MAGEA4: variants seen among roughly 807,000 people sequenced by gnomAD.
MAGEA4 encodes the protein melanoma-associated antigen 4.
MAGEA4 carries 1 observed loss-of-function variant against 13.7 expected under a neutral mutation model. The observed-to-expected ratio is 0.07, with a 90% CI of 0.03 to 0.35. MAGEA4 has a LOEUF of 0.35. Among genes scored for constraint, MAGEA4 ranks in the 10% least tolerant of loss-of-function variants. The pLI is 0.99. For missense variants in MAGEA4, 312 were observed against 245.1 expected (o/e 1.27, Z -1.82); for synonymous variants, 132 against 101.1 (o/e 1.31, Z -1.83).
intron 1 of MAGEA4, 41 bp from the exon 2 acceptor site, chrX:151,923,412 G>T: frequency 9.0e-7 from 1 of 1,106,272 alleles, no homozygotes. Context: ...ACCTCTGCTG[G>T]CCGGCTATAC....
intron 1 of MAGEA4, chrX:151,913,500 T>C (rs1054697882): frequency 2.2e-5 from 16 of 722,622 alleles, no homozygotes; most frequent in Middle Eastern, 7.9e-4. Flanking sequence ...GACTTGCGCA[T>C]TGGGGGTTAG....
chrX:151,919,943 C>T (rs909410393), intron 1 of MAGEA4, among the ~76,000 whole-genome samples: 1 of 107,725 alleles, frequency 9.3e-6, no homozygotes, highest in African/African-American at 3.4e-5. Context: ...AGGCATCAAC[C>T]TCAGGACTGT....
intron 1 of MAGEA4, among the ~76,000 whole-genome samples, chrX:151,917,935 CT>C (rs1317348279): frequency 4.3e-5 from 4 of 92,602 alleles, no homozygotes; most frequent in Non-Finnish European, 8.7e-5. Flanking sequence ...TACCCCACCC[CT>C]ATTCCCATCC....
intron 1 of MAGEA4, among the ~76,000 whole-genome samples, chrX:151,920,370 G>C (rs954499977): frequency 2.7e-5 from 3 of 110,252 alleles, no homozygotes; most frequent in Admixed American, 1.9e-4. Flanking sequence ...CCTGCTTCCA[G>C]TCCTGGGCCA....
Position 151,923,761 on chromosome X carries a change from A to G in MAGEA4, c.97A>G (p.Thr33Ala). 1 of 1,208,869 alleles carries G rather than the reference A, an allele frequency of 8.3e-7. No homozygotes were observed. The highest frequency in any genetic ancestry group is 1.1e-6 in the Non-Finnish European group (1 of 894,679). The part of the protein sequence containing the change: ...LGLVGAQAPT[T>A]EEQEAAVSSS... ...CCTGGTGGGTGCACAGGCTCCTACT[A>G]CTGAGGAGCAGGAGGCTGCTGTCTC... The change falls in exon 3 of 3, where the codon ACT becomes GCT. Residue 33 changes from threonine to alanine, a missense_variant. Thr to Ala is a moderately conservative substitution (Grantham distance 58, BLOSUM62 0). Transcript: ENST00000276344.
intron 1 of MAGEA4, among the ~76,000 whole-genome samples, chrX:151,920,644 G>A (rs1296037920): frequency 5.3e-5 from 2 of 37,539 alleles, no homozygotes; most frequent in African/African-American, 2.1e-4. Flanking sequence ...CCCCCAACCA[G>A]CCTCATACCC....
chrX:151,913,121 CAG>C (rs1474584739), intron 1 of MAGEA4, among the ~76,000 whole-genome samples, 152 bp downstream of exon 1: 3 of 109,353 alleles, frequency 2.7e-5, no homozygotes, highest in African/African-American at 1.0e-4. Context: ...ACTTAAGCCT[CAG>C]GGGATTCTGA....
At chrX:151,923,375 C>T in intron 1 of MAGEA4, 78 bp from the exon 2 acceptor site, 1 of 850,412 alleles carries the variant, frequency 1.2e-6, no homozygotes, top group Non-Finnish European at 1.6e-6. Context: ...CTGGCCTCAC[C>T]TCCCTACCAT....
chrX:151,917,603 T>TAG (rs1384739274), intron 1 of MAGEA4: 1 of 163,237 alleles, frequency 6.1e-6, no homozygotes, highest in Non-Finnish European at 7.6e-6. Flanking sequence ...CATTGGGGGT[T>TAG]AGAGAGAAGC....
intron 1 of MAGEA4, chrX:151,919,741 A>G (rs1331803161): frequency 1.3e-6 from 1 of 750,060 alleles, no homozygotes; most frequent in Non-Finnish European, 1.6e-6. Flanking sequence ...CTGAGGGAGG[A>G]CTCAGGAGGC....
chrX:151,923,475 G>A lies in MAGEA4; in HGVS notation c.-115G>A, dbSNP rs766855228. ...CAGGTTCTGAGCAGACAGGCCAACC[G>A]GAGGACAGGATTCCCTGGAGGCCAC... On this transcript the variant is annotated 5_prime_UTR_variant, in exon 2 of 3. Transcript: ENST00000276344. 2.6e-5 allele frequency: 31 copies of A among 1,193,462 alleles called. No homozygotes were observed. The South Asian group carries it at 4.5e-4, about 17-fold the overall frequency.
chrX:151,919,808 G>T, intron 1 of MAGEA4: 1 of 728,119 alleles, frequency 1.4e-6, no homozygotes, highest in Non-Finnish European at 1.6e-6. Flanking sequence ...TCCCAGCCCT[G>T]GGCCACTCGT....
intron 1 of MAGEA4, chrX:151,919,663 G>T (rs1018781148): frequency 1.3e-6 from 1 of 753,783 alleles, no homozygotes; most frequent in South Asian, 6.7e-5. Context: ...GAGCTGCTCT[G>T]TCTGACCAGC....
intron 1 of MAGEA4, among the ~76,000 whole-genome samples, chrX:151,920,131 A>G (rs1933353859): frequency 9.9e-6 from 1 of 101,174 alleles, no homozygotes. Flanking sequence ...GTTGAATCGC[A>G]TTCCGTTTCT....
intron 1 of MAGEA4, chrX:151,919,561 G>C (rs913490538): frequency 3.2e-6 from 2 of 629,490 alleles, no homozygotes; most frequent in East Asian, 3.5e-4. Context: ...CATCCACGCT[G>C]AATCGGGTTC....
At chrX:151,919,774 C>A (rs1214830375) in intron 1 of MAGEA4, 1 of 746,552 alleles carries the variant, frequency 1.3e-6, no homozygotes, top group Non-Finnish European at 1.6e-6. Context: ...TAGACAATCC[C>A]AAATAATCCC....
In MAGEA4 at chrX:151,924,224, A is replaced by C. The variant is rs199657597; in HGVS notation, c.560A>C (p.Tyr187Ser). The change falls in exon 3 of 3, where the codon TAT becomes TCT. Residue 187 changes from tyrosine to serine, a missense_variant. Physicochemically the swap from Tyr to Ser is moderately radical, Grantham distance 144. Coordinates refer to ENST00000276344, the MANE Select transcript of MAGEA4 (RefSeq NM_001011548.1). ...CTTGTCACCTGCCTGGGCCTTTCCT[A>C]TGATGGCCTGCTGGGTAATAATCAG... ...YTLVTCLGLS[Y>S]DGLLGNNQIF... 7 of 1,210,692 alleles carry C rather than the reference A, an allele frequency of 5.8e-6. No individual in the cohort carries two copies. The highest frequency in any genetic ancestry group is 2.2e-6 in the Non-Finnish European group (2 of 894,877).
At chrX:151,918,593 C>T (rs1243099597) in intron 1 of MAGEA4, among the ~76,000 whole-genome samples, 2 of 45,009 alleles carry the variant, frequency 4.4e-5, no homozygotes, top group Non-Finnish European at 8.5e-5. Context: ...TAAGAGAGGG[C>T]TAAGCGTACC....
At chrX:151,920,846 G>A (rs181710203) in intron 1 of MAGEA4, among the ~76,000 whole-genome samples, 17 of 110,513 alleles carry the variant, frequency 1.5e-4, no homozygotes, top group Middle Eastern at 4.6e-3. Context: ...GCTTTGTGAA[G>A]AGGCAAAGTG....
Sources: gnomAD v4.1 joint callset for allele counts (sites outside exome capture counted in the v4.1 genomes callset) on GRCh38, gnomAD v4.1.1 for gene constraint, MANE v1.5 for transcripts, NCBI Gene and HGNC (gene_info 2026-07-23, HGNC 2026-07-21) for gene names.